Variants in GRB2 observed in about 807,000 individuals in gnomAD.
The protein encoded by GRB2 is growth factor receptor bound protein 2, also known as growth factor receptor-bound protein 2.
Under a neutral mutation model 27.4 loss-of-function variants are expected in GRB2, and 2 were observed. That is an observed-to-expected ratio of 0.07 (90% CI 0.03 to 0.23). The LOEUF (loss-of-function observed/expected upper bound fraction) is 0.23, where lower values mean the gene tolerates loss of function less well. GRB2 is among the 10% of genes least tolerant of loss of function. The pLI is 1.00. For missense variants in GRB2, 102 were observed against 282.4 expected (o/e 0.36, Z 4.58); for synonymous variants, 94 against 99.6 (o/e 0.94, Z 0.33).
chr17:75,332,926 A>C, intron 2 of GRB2, 129 bp from the exon 3 acceptor site: 1 of 537,096 alleles, frequency 1.9e-6, no homozygotes, highest in South Asian at 2.6e-5. Context: ...AGTTATACGG[A>C]TATAAGACTC....
chr17:75,353,315 CT>C (rs2078705610), intron 2 of GRB2, among the ~76,000 whole-genome samples: 1 of 152,088 alleles, frequency 6.6e-6, no homozygotes, highest in African/African-American at 2.4e-5. Context: ...GCTGTGCATC[CT>C]GTGAATACTG....
At position 75,393,705 on chromosome 17, in the gene GRB2, G is replaced by GGGCT; in HGVS notation, c.-81_-78dup. On this transcript the variant is annotated 5_prime_UTR_variant, in exon 2 of 6. Transcript: ENST00000316804. ...CCCTGCTGAAGCAACCCAGCGCTCT[G>GGGCT]GGCTTAGCCTCGCCTCTCTTCTGGG... is the stretch of plus-strand genomic sequence containing the variant. 8.7e-7 allele frequency: 1 copy of GGGCT among 1,154,306 alleles called. No homozygotes were observed. Among genetic ancestry groups the GGGCT allele is most frequent in the Non-Finnish European group, 1.3e-6 (1 of 769,520 alleles). 71.5% of individuals were successfully genotyped at this position (1,154,306 alleles called of 1,614,324 possible).
chr17:75,389,363 T>C (rs956222379), intron 2 of GRB2, among the ~76,000 whole-genome samples: 18 of 152,152 alleles, frequency 1.2e-4, no homozygotes, highest in African/African-American at 3.9e-4. Flanking sequence ...CGCTTGCCAG[T>C]TTCATCCTTC....
chr17:75,329,259 T>C (rs1367595610), intron 3 of GRB2, among the ~76,000 whole-genome samples: 1 of 152,146 alleles, frequency 6.6e-6, no homozygotes, highest in Non-Finnish European at 1.5e-5. Flanking sequence ...AGGGAGGTTT[T>C]TTCCCATTTG....
At chr17:75,389,261 CT>C (rs2078983734) in intron 2 of GRB2, among the ~76,000 whole-genome samples, 1 of 150,246 alleles carries the variant, frequency 6.7e-6, no homozygotes, top group South Asian at 2.1e-4. Flanking sequence ...CAAGTTTCGT[CT>C]CCCTTGAAAT....
chr17:75,328,417 G>T (rs1032181102), intron 3 of GRB2, among the ~76,000 whole-genome samples: 9 of 150,714 alleles, frequency 6.0e-5, no homozygotes, highest in African/African-American at 2.2e-4. Context: ...GAGGTGGGCG[G>T]ATCATCTGAG....
At chr17:75,402,657 A>C (rs1436144574) in intron 1 of GRB2, among the ~76,000 whole-genome samples, 1 of 152,214 alleles carries the variant, frequency 6.6e-6, no homozygotes, top group Non-Finnish European at 1.5e-5. Flanking sequence ...AATTTTAAAA[A>C]GATCTCCCAG....
At chr17:75,366,342 T>C (rs1369306833) in intron 2 of GRB2, among the ~76,000 whole-genome samples, 1 of 152,026 alleles carries the variant, frequency 6.6e-6, no homozygotes, top group Non-Finnish European at 1.5e-5. Flanking sequence ...AATGGGAAAA[T>C]GTTTATTTTT....
At chr17:75,352,597 T>C (rs1310271067) in intron 2 of GRB2, among the ~76,000 whole-genome samples, 1 of 152,184 alleles carries the variant, frequency 6.6e-6, no homozygotes, top group Non-Finnish European at 1.5e-5. Context: ...CTGCTCACAA[T>C]GACAAGTAGT....
At chr17:75,350,334 G>A (rs1204269868) in intron 2 of GRB2, among the ~76,000 whole-genome samples, 3 of 151,848 alleles carry the variant, frequency 2.0e-5, no homozygotes, top group Non-Finnish European at 4.4e-5. Flanking sequence ...TTAAAAATGA[G>A]CCTTACTTTC....
chr17:75,389,141 C>T (rs2078983031), intron 2 of GRB2, among the ~76,000 whole-genome samples: 1 of 152,162 alleles, frequency 6.6e-6, no homozygotes, highest in South Asian at 2.1e-4. Context: ...TCTTAAGGAC[C>T]AGATCAAACT....
chr17:75,320,377 C>T lies in GRB2; in HGVS notation c.645G>A (p.Arg215=), dbSNP rs1255202433. ...AATTGCTTCTTGACTCTTAGACGTT[C>T]CGGTTCACGGGGGTGACATAATTGC... ...FPRNYVTPVN[R]NV The change falls in exon 6 of 6, where the codon CGG becomes CGA. Residue 215 remains arginine (R), a synonymous_variant. Transcript: ENST00000316804. This position sits in a 1 kb window ranked among gnomAD's most constrained non-coding sequence, Gnocchi z 4.3. 1 of 1,613,710 alleles carries T rather than the reference C, an allele frequency of 6.2e-7. No individual in the cohort carries two copies. Among genetic ancestry groups the T allele is most frequent in the Non-Finnish European group, 8.5e-7 (1 of 1,179,640 alleles).
chr17:75,398,107 G>A (rs1055532120), intron 1 of GRB2, among the ~76,000 whole-genome samples: 1 of 151,948 alleles, frequency 6.6e-6, no homozygotes, highest in Non-Finnish European at 1.5e-5. Flanking sequence ...ACAGGCATGA[G>A]CCACTGCACC....
rs190874782 is a variant in GRB2 at position 75,390,167 on chromosome 17, A to G, written c.78+3384T>C. Among the ~76,000 whole-genome samples the G allele has an allele frequency of 2.6e-5, 4 of 152,364 alleles. No individual in the cohort carries two copies. The East Asian group carries it at 7.7e-4, about 29-fold the overall frequency. ...GTTTAAGAAACTGGTAAAGGTAGTTAGTGCCAGAGAGGGTAGAATACACCT... is the reference window on the plus strand; with the variant it reads ...GTTTAAGAAACTGGTAAAGGTAGTTGGTGCCAGAGAGGGTAGAATACACCT... On this transcript the variant is annotated intron_variant, in intron 2 of 5. Transcript: ENST00000316804.
At chr17:75,353,770 G>A (rs1366927332) in intron 2 of GRB2, among the ~76,000 whole-genome samples, 5 of 151,582 alleles carry the variant, frequency 3.3e-5, no homozygotes, top group Admixed American at 2.6e-4. Context: ...CAGGTACAGT[G>A]GCTCATGCCT....
chr17:75,351,522 T>C (rs1276156859), intron 2 of GRB2, among the ~76,000 whole-genome samples: 1 of 151,726 alleles, frequency 6.6e-6, no homozygotes, highest in Non-Finnish European at 1.5e-5. Flanking sequence ...GGTATAGTGG[T>C]GTGCGGCTGT....
rs556958316 is a variant in GRB2, at chr17:75,322,467, A to C, written c.300-640T>G. 7.9e-5 allele frequency among the ~76,000 whole-genome samples: 12 copies of C among 152,314 alleles called. No homozygotes were observed. The South Asian group carries it at 2.5e-3, about 32-fold the overall frequency. Reference sequence around the variant, plus strand: ...AGGAGTGTGACTTAACATCCTTTGAATAAAAAAATAATTAAAATCTTATAT... The same window carrying C: ...AGGAGTGTGACTTAACATCCTTTGACTAAAAAAATAATTAAAATCTTATAT... On this transcript the variant is annotated intron_variant, in intron 4 of 5. Transcript: ENST00000316804.
intron 3 of GRB2, among the ~76,000 whole-genome samples, chr17:75,328,916 C>T (rs1180753552): frequency 4.0e-5 from 6 of 150,516 alleles, no homozygotes; most frequent in Middle Eastern, 3.4e-3. Flanking sequence ...CTAGCCTGGG[C>T]GACAAAGCGA....
At chr17:75,401,308 G>A (rs954460926) in intron 1 of GRB2, among the ~76,000 whole-genome samples, 2 of 151,352 alleles carry the variant, frequency 1.3e-5, no homozygotes, top group Non-Finnish European at 1.5e-5. Flanking sequence ...AGCCGGGCGC[G>A]GTGGCGGGCG....
Sources: allele counts gnomAD v4.1 joint callset (sites outside exome capture counted in the v4.1 genomes callset), GRCh38; gene constraint gnomAD v4.1.1; non-coding constraint Gnocchi (gnomAD v3.1); transcripts MANE v1.5; gene names NCBI Gene and HGNC (gene_info 2026-07-23, HGNC 2026-07-21).